Variants in STXBP6 observed in about 807,000 individuals in gnomAD.
STXBP6 encodes the protein syntaxin binding protein 6.
Under a neutral mutation model 26.9 loss-of-function variants are expected in STXBP6, and 21 were observed. That is an observed-to-expected ratio of 0.78 (90% confidence interval 0.55 to 1.12). STXBP6 has a LOEUF of 1.12. Among genes scored for constraint, STXBP6 ranks in the 50% most tolerant of loss-of-function variants. The pLI is 0.00. For missense variants in STXBP6, 232 were observed against 257.9 expected (o/e 0.90, Z 0.69); for synonymous variants, 97 against 92.6 (o/e 1.05, Z -0.27).
intron 2 of STXBP6, among the ~76,000 whole-genome samples, chr14:24,950,643 T>A (rs962234843): frequency 6.6e-6 from 1 of 152,188 alleles, no homozygotes; most frequent in African/African-American, 2.4e-5. Flanking sequence ...TAAACTGTGG[T>A]GCTAAAGATC....
chr14:24,970,852 C>T (rs1480315005), intron 2 of STXBP6, among the ~76,000 whole-genome samples: 2 of 152,176 alleles, frequency 1.3e-5, no homozygotes, highest in Non-Finnish European at 2.9e-5. Context: ...AATTGCTTCG[C>T]ATGTTAACAC....
chr14:24,952,635 C>T (rs987448960), intron 2 of STXBP6, among the ~76,000 whole-genome samples: 2 of 152,148 alleles, frequency 1.3e-5, no homozygotes, highest in African/African-American at 4.8e-5. Context: ...TTTGTCATTA[C>T]AACAAAACTC....
intron 2 of STXBP6, among the ~76,000 whole-genome samples, chr14:24,882,131 G>A (rs1315630283): frequency 6.6e-6 from 1 of 151,730 alleles, no homozygotes; most frequent in Non-Finnish European, 1.5e-5. Flanking sequence ...TGTAATCCCA[G>A]CACTTTGGGA....
chr14:25,007,774 T>C (rs944936975), intron 1 of STXBP6, among the ~76,000 whole-genome samples: 1 of 152,206 alleles, frequency 6.6e-6, no homozygotes, highest in African/African-American at 2.4e-5. Context: ...AAATTATTCC[T>C]GCAAAGTTCC....
At chr14:24,927,530 G>A (rs1018267082) in intron 2 of STXBP6, among the ~76,000 whole-genome samples, 1 of 152,202 alleles carries the variant, frequency 6.6e-6, no homozygotes. Context: ...TAGATTTGCT[G>A]AGAAAGTGTT....
chr14:25,017,228 C>T lies in STXBP6; in HGVS notation c.-33+32650G>A, dbSNP rs767845185. On this transcript the variant is annotated intron_variant, in intron 1 of 5. Transcript: ENST00000323944. Reference sequence around the variant, plus strand: ...ACTTCTCACTCCTCTACGGCCGCCCCTATGTGGGTAGAACTTTGATTAATG... The same window carrying T: ...ACTTCTCACTCCTCTACGGCCGCCCTTATGTGGGTAGAACTTTGATTAATG... Among the ~76,000 whole-genome samples, 3 of 152,148 alleles carry T rather than the reference C, an allele frequency of 2.0e-5. No homozygotes were observed. In the South Asian group the frequency reaches 6.2e-4, roughly 32 times the overall value.
chr14:24,827,297 T>A (rs1456210579), intron 4 of STXBP6, among the ~76,000 whole-genome samples: 4 of 152,252 alleles, frequency 2.6e-5, no homozygotes, highest in African/African-American at 9.6e-5. Context: ...ATAGGGCTAA[T>A]AATGCAGTAT....
intron 2 of STXBP6, among the ~76,000 whole-genome samples, chr14:24,901,014 G>A (rs1234899113): frequency 6.6e-6 from 1 of 152,162 alleles, no homozygotes; most frequent in Non-Finnish European, 1.5e-5. Flanking sequence ...GACAGACTAA[G>A]TCATGAAATT....
At chr14:24,968,002 T>C (rs2073787122) in intron 2 of STXBP6, among the ~76,000 whole-genome samples, 1 of 152,130 alleles carries the variant, frequency 6.6e-6, no homozygotes, top group Admixed American at 6.5e-5. Context: ...TGATGAACAC[T>C]GGTTCCTTGA....
chr14:24,940,610 A>T (rs1460004677), intron 2 of STXBP6, among the ~76,000 whole-genome samples: 1 of 152,150 alleles, frequency 6.6e-6, no homozygotes, highest in African/African-American at 2.4e-5. Flanking sequence ...TGTGTCAGAG[A>T]CCTGTTGACC....
rs577622004 is a variant in STXBP6 at position 24,839,676 on chromosome 14, G to A, written c.451+16260C>T. Among the ~76,000 whole-genome samples the A allele has an allele frequency of 9.9e-5, 15 of 152,168 alleles. No homozygotes were observed. The East Asian group carries it at 2.5e-3, about 25-fold the overall frequency. ...ATATGTACTGTATTTACTCAGCGCC[G>A]GGCACTGTTCAAAGTTCAAAGTGCT... On this transcript the variant is annotated intron_variant, in intron 4 of 5. Transcript: ENST00000323944.
rs71121808 is a variant in STXBP6, at chr14:24,976,852, C to CTTTTTTTTTTTTTTTTTT, written c.-32-2020_-32-2003dup. Reference sequence around the variant, plus strand: ...CAAAGTCCTGAGCTGACTGGGCGCTCTTTTTTTTTTTTTTTTTTTTTTTTT... The same window carrying CTTTTTTTTTTTTTTTTTT: ...CAAAGTCCTGAGCTGACTGGGCGCTCTTTTTTTTTTTTTTTTTTTTTTTTTTTTTTTTTTTTTTTTTTT... On this transcript the variant is annotated intron_variant, in intron 1 of 5. Coordinates refer to ENST00000323944, the MANE Select transcript of STXBP6 (RefSeq NM_001394410.1). 9.9e-4 allele frequency among the ~76,000 whole-genome samples: 45 copies of CTTTTTTTTTTTTTTTTTT among 45,276 alleles called. 10 individuals are homozygous for CTTTTTTTTTTTTTTTTTT. The highest frequency in any genetic ancestry group is 4.2e-3 in the African/African-American group (37 of 8,900). 29.7% of individuals were successfully genotyped at this position (45,276 alleles called of 152,430 possible).
intron 1 of STXBP6, among the ~76,000 whole-genome samples, chr14:25,029,310 C>A (rs898045842): frequency 3.9e-5 from 6 of 152,142 alleles, no homozygotes; most frequent in African/African-American, 1.4e-4. Flanking sequence ...CCTTCAGCAC[C>A]ACCATTCTGA....
chr14:24,829,317 C>T (rs943656346), intron 4 of STXBP6, among the ~76,000 whole-genome samples: 10 of 152,104 alleles, frequency 6.6e-5, no homozygotes, highest in Non-Finnish European at 1.2e-4. Context: ...ATAATCAGTC[C>T]TATTAAACTG....
In STXBP6 at chr14:24,811,333, G is replaced by A. The variant is rs1260217841; in HGVS notation, c.*1376C>T. Reference sequence around the variant, plus strand: ...ACTCAATCAGCAAAATGGATAGGATGGAATAGATAGGGGTCCTGAAGATTC... The same window carrying A: ...ACTCAATCAGCAAAATGGATAGGATAGAATAGATAGGGGTCCTGAAGATTC... On this transcript the variant is annotated 3_prime_UTR_variant, in exon 6 of 6. Coordinates refer to ENST00000323944, the MANE Select transcript of STXBP6 (RefSeq NM_001394410.1). 6.6e-6 allele frequency: 1 copy of A among 152,158 alleles called. No homozygotes were observed. Among genetic ancestry groups the A allele is most frequent in the Admixed American group, 6.5e-5 (1 of 15,278 alleles). The allele number at this position is 152,158 out of a possible 1,614,324, so 9.4% of individuals were successfully genotyped here. A position where few individuals can be genotyped will look rare whatever the true frequency, so the allele number is the denominator to read the frequency against.
intron 4 of STXBP6, among the ~76,000 whole-genome samples, chr14:24,833,662 C>T (rs573443120): frequency 1.8e-4 from 28 of 152,272 alleles, no homozygotes; most frequent in Admixed American, 1.5e-3. Flanking sequence ...AAAGGATCAA[C>T]TTCTGGACAT....
chr14:24,943,328 C>T (rs1484977466), intron 2 of STXBP6, among the ~76,000 whole-genome samples: 1 of 152,202 alleles, frequency 6.6e-6, no homozygotes, highest in South Asian at 2.1e-4. Context: ...ATACTTCTTG[C>T]AACTACAGGC....
At chr14:25,010,551 T>C (rs1032826393) in intron 1 of STXBP6, 14 of 152,236 alleles carry the variant, frequency 9.2e-5, no homozygotes, top group African/African-American at 1.7e-4. Context: ...TAGTTGGGAC[T>C]GCACTTCATG....
intron 1 of STXBP6, among the ~76,000 whole-genome samples, chr14:24,997,838 T>C (rs1367155746): frequency 6.6e-5 from 10 of 152,234 alleles, no homozygotes; most frequent in South Asian, 2.1e-4. Flanking sequence ...CTTTTCTTTT[T>C]ACCTGAAAAA....
Sources: allele counts gnomAD v4.1 joint callset (sites outside exome capture counted in the v4.1 genomes callset), GRCh38; gene constraint gnomAD v4.1.1; transcripts MANE v1.5; gene names NCBI Gene and HGNC (gene_info 2026-07-23, HGNC 2026-07-21).